CARMIL1: variants seen among roughly 807,000 people sequenced by gnomAD.
The protein encoded by CARMIL1 is capping protein regulator and myosin 1 linker 1, also known as F-actin-uncapping protein LRRC16A.
Under a neutral mutation model 177.1 loss-of-function variants are expected in CARMIL1, and 90 were observed. That is an observed-to-expected ratio of 0.51 (90% confidence interval 0.43 to 0.61). The LOEUF is 0.61. Ranked by LOEUF, CARMIL1 falls within the 20% of genes least tolerant of loss-of-function variation. CARMIL1 has a pLI of 0.00. For missense variants in CARMIL1, 1,380 were observed against 1,667.0 expected (o/e 0.83, Z 3.00); for synonymous variants, 577 against 606.2 (o/e 0.95, Z 0.71).
chr6:25,587,840 G>C (rs999894217), intron 31 of CARMIL1, among the ~76,000 whole-genome samples: 2 of 152,114 alleles, frequency 1.3e-5, no homozygotes, highest in African/African-American at 4.8e-5. Context: ...GGTAATCTAA[G>C]AGTGGAAATG....
At chr6:25,462,192 T>G (rs940554159) in intron 8 of CARMIL1, among the ~76,000 whole-genome samples, 1 of 152,168 alleles carries the variant, frequency 6.6e-6, no homozygotes, top group African/African-American at 2.4e-5. Flanking sequence ...AGTTTATCGA[T>G]TTTTTTATTT....
intron 1 of CARMIL1, among the ~76,000 whole-genome samples, chr6:25,283,558 G>C (rs529823952): frequency 6.6e-6 from 1 of 152,154 alleles, no homozygotes; most frequent in Non-Finnish European, 1.5e-5. Context: ...GGGAGCCCTA[G>C]GAAGACTTTT....
intron 11 of CARMIL1, among the ~76,000 whole-genome samples, chr6:25,480,816 G>A (rs1320539925): frequency 1.4e-5 from 2 of 145,638 alleles, no homozygotes; most frequent in African/African-American, 5.1e-5. Flanking sequence ...CACCTCCTGA[G>A]TTCACGCCAT....
chr6:25,341,059 C>A (rs1786875137), intron 2 of CARMIL1, among the ~76,000 whole-genome samples: 1 of 152,122 alleles, frequency 6.6e-6, no homozygotes, highest in Non-Finnish European at 1.5e-5. Flanking sequence ...TGTTAATATA[C>A]TGTGTGTCAG....
intron 29 of CARMIL1, among the ~76,000 whole-genome samples, chr6:25,576,290 G>A (rs910621977): frequency 2.0e-5 from 3 of 152,030 alleles, no homozygotes; most frequent in African/African-American, 7.2e-5. Flanking sequence ...ATTTAGAGAT[G>A]TAATGTAAAA....
chr6:25,534,117 G>A (rs1368429769), intron 24 of CARMIL1, among the ~76,000 whole-genome samples: 2 of 149,590 alleles, frequency 1.3e-5, no homozygotes, highest in African/African-American at 2.5e-5. Flanking sequence ...TACCTTCTAC[G>A]TCTTTTTTTT....
chr6:25,516,228 C>A (rs947049022), intron 21 of CARMIL1, among the ~76,000 whole-genome samples: 1 of 152,162 alleles, frequency 6.6e-6, no homozygotes, highest in Non-Finnish European at 1.5e-5. Context: ...GGTCTTAACC[C>A]CCTTGCTCAT....
At chr6:25,526,047 T>C (rs1188339985) in intron 23 of CARMIL1, among the ~76,000 whole-genome samples, 2 of 151,960 alleles carry the variant, frequency 1.3e-5, no homozygotes, top group East Asian at 3.9e-4. Context: ...TGGTGGTTAA[T>C]GCCTGTAATC....
At chr6:25,482,522 T>A (rs1802218656) in intron 12 of CARMIL1, among the ~76,000 whole-genome samples, 179 bp downstream of exon 12, 1 of 152,254 alleles carries the variant, frequency 6.6e-6, no homozygotes, top group African/African-American at 2.4e-5. Context: ...TTTTTGATGC[T>A]CTGCAGTGAA....
intron 2 of CARMIL1, among the ~76,000 whole-genome samples, chr6:25,412,164 A>G (rs1376725084): frequency 6.6e-6 from 1 of 152,262 alleles, no homozygotes; most frequent in African/African-American, 2.4e-5. Context: ...AATGTAAATA[A>G]CAGTAACAGA....
chr6:25,608,275 C>A (rs1004579088), intron 35 of CARMIL1, among the ~76,000 whole-genome samples: 3 of 152,172 alleles, frequency 2.0e-5, no homozygotes, highest in African/African-American at 7.2e-5. Flanking sequence ...AGAGAGACCA[C>A]ATTCAGATAA....
chr6:25,371,919 A>AT (rs1451466624), intron 2 of CARMIL1, among the ~76,000 whole-genome samples: 12 of 152,114 alleles, frequency 7.9e-5, no homozygotes, highest in African/African-American at 2.9e-4. Context: ...TCTTGAGTTG[A>AT]TTTTTGTATA....
At position 25,595,271 on chromosome 6, in the gene CARMIL1, C is replaced by T. The variant is rs575765249; in HGVS notation, c.3119+744C>T. ...ATGGATTTGTCTTTATGAAGATTCT[C>T]ACCTTGAGATATCAAATTCAGGAAC... On this transcript the variant is annotated intron_variant, in intron 32 of 36. Transcript: ENST00000329474. Among the ~76,000 whole-genome samples, 35 of 147,406 alleles carry T rather than the reference C, an allele frequency of 2.4e-4. No homozygotes were observed. The South Asian group carries it at 6.7e-3, about 28-fold the overall frequency.
At chr6:25,371,057 G>T (rs1790369489) in intron 2 of CARMIL1, among the ~76,000 whole-genome samples, 2 of 152,042 alleles carry the variant, frequency 1.3e-5, no homozygotes, top group Admixed American at 1.3e-4. Context: ...TAGAATAATG[G>T]CCTCCAGCTC....
intron 1 of CARMIL1, among the ~76,000 whole-genome samples, chr6:25,280,279 C>G (rs1234898999): frequency 6.6e-6 from 1 of 152,130 alleles, no homozygotes; most frequent in Non-Finnish European, 1.5e-5. Flanking sequence ...CACAGTAGGT[C>G]GTCTCCGGCA....
intron 20 of CARMIL1, among the ~76,000 whole-genome samples, chr6:25,514,880 C>T (rs301384): frequency 0.44 from 66,243 of 151,404 alleles, 14,876 homozygotes; most frequent in Middle Eastern, 0.52. Flanking sequence ...GTGGTGATTG[C>T]ACCACTGCAC....
intron 2 of CARMIL1, among the ~76,000 whole-genome samples, chr6:25,314,122 G>A (rs1376849211): frequency 6.7e-6 from 1 of 149,010 alleles, no homozygotes; most frequent in African/African-American, 2.5e-5. Flanking sequence ...CTTTCTGCCT[G>A]AATTTTGAAG....
At chr6:25,310,930 G>C (rs1259490365) in intron 2 of CARMIL1, among the ~76,000 whole-genome samples, 1 of 152,080 alleles carries the variant, frequency 6.6e-6, no homozygotes, top group Non-Finnish European at 1.5e-5. Context: ...GGTGGGTTGA[G>C]GCCGGGTGCG....
intron 2 of CARMIL1, among the ~76,000 whole-genome samples, chr6:25,407,403 G>A (rs1346173623): frequency 8.4e-6 from 1 of 119,224 alleles, no homozygotes; most frequent in African/African-American, 3.4e-5. Flanking sequence ...GAAGGGACGG[G>A]CATTTATCTC....
Sources: gnomAD v4.1 joint callset for allele counts (sites outside exome capture counted in the v4.1 genomes callset) on GRCh38, gnomAD v4.1.1 for gene constraint, MANE v1.5 for transcripts, NCBI Gene and HGNC (gene_info 2026-07-23, HGNC 2026-07-21) for gene names.